PMEPA1: variants seen among roughly 807,000 people sequenced by gnomAD.
PMEPA1 encodes prostate transmembrane protein, androgen induced 1, also known as protein TMEPAI.
PMEPA1 carries 11 observed loss-of-function variants against 23.0 expected under a neutral mutation model. The ratio of observed to expected loss-of-function variants is 0.48; its 90% CI spans 0.30 to 0.79. The LOEUF is 0.79. Among genes scored for constraint, PMEPA1 ranks in the 30% least tolerant of loss-of-function variants. The probability of loss-of-function intolerance (pLI) is 0.06; values close to 1 mark genes in which losing one functional copy is unlikely to be tolerated. For missense variants in PMEPA1, 377 were observed against 390.9 expected (o/e 0.96, Z 0.30); for synonymous variants, 204 against 166.4 (o/e 1.23, Z -1.74).
chr20:57,662,705 C>T (rs568085559), intron 1 of PMEPA1, among the ~76,000 whole-genome samples: 1 of 152,180 alleles, frequency 6.6e-6, no homozygotes, highest in African/African-American at 2.4e-5. Flanking sequence ...GTAACACCCA[C>T]GCCCCCCCAC....
chr20:57,710,127 C>G, upstream of PMEPA1: 1 of 765,530 alleles, frequency 1.3e-6, no homozygotes, highest in Non-Finnish European at 1.7e-6. Flanking sequence ...AGCCGGGGGG[C>G]GGGGTGACGG....
In PMEPA1 at chr20:57,652,321, C is replaced by A; in HGVS notation, c.596G>T (p.Ser199Ile). ...GGGGCAGGGGCCGCCCAGCCTGGCACTATCCATCAGGTCACTGTCGAAGAT... is the reference window on the plus strand; with the variant it reads ...GGGGCAGGGGCCGCCCAGCCTGGCAATATCCATCAGGTCACTGTCGAAGAT... ...RTIFDSDLMD[S>I]ARLGGPCPPS... is the part of the protein sequence containing the mutation. Residue 199 changes from serine to isoleucine, a missense_variant, in exon 4 of 4, where the codon AGT becomes ATT. Coordinates refer to ENST00000341744, the MANE Select transcript of PMEPA1 (RefSeq NM_020182.5). This position sits in a 1 kb window ranked among gnomAD's most constrained non-coding sequence, Gnocchi z 6.1. The A allele has an allele frequency of 6.2e-7, 1 of 1,612,216 alleles. No homozygotes were observed. Among genetic ancestry groups the A allele is most frequent in the Middle Eastern group, 1.6e-4 (1 of 6,062 alleles).
Position 57,652,500 on chromosome 20 carries a change from G to A in PMEPA1, c.417C>T (p.Tyr139=). The A allele has an allele frequency of 6.3e-7, 1 of 1,597,084 alleles. No individual in the cohort carries two copies. The highest frequency in any genetic ancestry group is 1.7e-5 in the Admixed American group (1 of 58,682). The change falls in exon 4 of 4, where the codon TAC becomes TAT. Residue 139 remains tyrosine, a synonymous_variant. Coordinates refer to ENST00000341744, the MANE Select transcript of PMEPA1 (RefSeq NM_020182.5). This position sits in a 1 kb window ranked among gnomAD's most constrained non-coding sequence, Gnocchi z 6.1. The part of the protein sequence containing the change: ...RFHRFQPTYP[Y]LQHEIDLPPT... Reference sequence around the variant, plus strand: ...GTGGCAGGTCGATCTCGTGCTGCAGGTACGGATAGGTGGGCTGGAAGCGGT... The same window carrying A: ...GTGGCAGGTCGATCTCGTGCTGCAGATACGGATAGGTGGGCTGGAAGCGGT...
chr20:57,657,144 G>T (rs938066468), intron 2 of PMEPA1, among the ~76,000 whole-genome samples: 1 of 152,202 alleles, frequency 6.6e-6, no homozygotes, highest in Non-Finnish European at 1.5e-5. Flanking sequence ...AGCCCCTGCA[G>T]TCGGCCTCTG....
chr20:57,681,275 A>G (rs1321139060), intron 1 of PMEPA1, among the ~76,000 whole-genome samples: 1 of 152,132 alleles, frequency 6.6e-6, no homozygotes, highest in Non-Finnish European at 1.5e-5. Context: ...CCCCTCCATC[A>G]CTGCCACTGG....
At chr20:57,680,631 T>C (rs2071699901) in intron 1 of PMEPA1, among the ~76,000 whole-genome samples, 1 of 152,194 alleles carries the variant, frequency 6.6e-6, no homozygotes, top group Non-Finnish European at 1.5e-5. Flanking sequence ...GATTCCTAAT[T>C]AGGCCTCAAT....
At chr20:57,700,121 A>T in intron 1 of PMEPA1, 1 of 471,560 alleles carries the variant, frequency 2.1e-6, no homozygotes, top group South Asian at 1.5e-5. Context: ...GGAGACCTTA[A>T]GGACCAGCAG....
At position 57,652,421 on chromosome 20, in the gene PMEPA1, T is replaced by A; in HGVS notation, c.496A>T (p.Thr166Ser). 5.6e-6 allele frequency: 9 copies of A among 1,613,442 alleles called. No individual in the cohort carries two copies. The highest frequency in any genetic ancestry group is 7.6e-6 in the Non-Finnish European group (9 of 1,179,812). ...EEPPPYQGPC[T>S]LQLRDPEQQL... is the part of the protein sequence containing the mutation. Reference sequence around the variant, plus strand: ...TGCTCGGGGTCCCGAAGCTGGAGGGTGCAGGGGCCCTGGTAGGGTGGGGGC... The same window carrying A: ...TGCTCGGGGTCCCGAAGCTGGAGGGAGCAGGGGCCCTGGTAGGGTGGGGGC... The change falls in exon 4 of 4, where the codon ACC becomes TCC. Residue 166 changes from threonine (T) to serine (S), a missense_variant. Transcript: ENST00000341744. The surrounding 1 kb of genome is among the most constrained non-coding windows in gnomAD (Gnocchi z 6.1).
chr20:57,662,722 G>T (rs1413724791), intron 1 of PMEPA1, among the ~76,000 whole-genome samples: 1 of 151,822 alleles, frequency 6.6e-6, no homozygotes, highest in Non-Finnish European at 1.5e-5. Flanking sequence ...CCACCCCCGG[G>T]GCCTGCAATT....
rs1186905557 is a variant in PMEPA1 at position 57,696,866 on chromosome 20, T to G, written c.109+12608A>C. Among the ~76,000 whole-genome samples, 11 of 152,354 alleles carry G rather than the reference T, an allele frequency of 7.2e-5. No individual in the cohort carries two copies. The South Asian group carries it at 2.1e-3, about 29-fold the overall frequency. On this transcript the variant is annotated intron_variant, in intron 1 of 3. Transcript: ENST00000341744. The stretch of plus-strand genomic sequence containing the variant: ...TGGCAAGAGAAAATGGAGGCCTCTG[T>G]GCACATTTCCGTTTACACCCCTGAT...
At position 57,705,134 on chromosome 20, in the gene PMEPA1, C is replaced by A. The variant is rs1455153810; in HGVS notation, c.109+4340G>T. On this transcript the variant is annotated intron_variant, in intron 1 of 3. Coordinates refer to ENST00000341744, the MANE Select transcript of PMEPA1 (RefSeq NM_020182.5). ...GTGTGCCTGTGTATGACTGTGTGTG[C>A]GCGTGTGTGTGTCTGCACGTGTGCG... Among the ~76,000 whole-genome samples the A allele has an allele frequency of 2.6e-5, 4 of 152,096 alleles. No individual in the cohort carries two copies. The East Asian group carries it at 7.7e-4, about 29-fold the overall frequency.
chr20:57,688,442 C>T (rs1029894291), intron 1 of PMEPA1, among the ~76,000 whole-genome samples: 1 of 152,196 alleles, frequency 6.6e-6, no homozygotes, highest in Non-Finnish European at 1.5e-5. Context: ...TCCTCCATGC[C>T]CCAGGTTGTG....
At position 57,682,859 on chromosome 20, in the gene PMEPA1, T is replaced by G. The variant is rs1367525997; in HGVS notation, c.110-23162A>C. 6.6e-6 allele frequency among the ~76,000 whole-genome samples: 1 copy of G among 152,246 alleles called. No individual in the cohort carries two copies. Among genetic ancestry groups the G allele is most frequent in the Non-Finnish European group, 1.5e-5 (1 of 68,050 alleles). ...GGCTCGCCAGATTTGTTTCGAATTA[T>G]GAAAATAGATGTTGTCTCCCCACCA... On this transcript the variant is annotated intron_variant, in intron 1 of 3. Coordinates refer to ENST00000341744, the MANE Select transcript of PMEPA1 (RefSeq NM_020182.5). This position sits in a 1 kb window ranked among gnomAD's most constrained non-coding sequence, Gnocchi z 4.4.
At chr20:57,685,102 A>T (rs1277993718) in intron 1 of PMEPA1, among the ~76,000 whole-genome samples, 1 of 152,020 alleles carries the variant, frequency 6.6e-6, no homozygotes, top group Non-Finnish European at 1.5e-5. Flanking sequence ...CTGTAACCAG[A>T]GGGAAAAGCC....
In PMEPA1 at chr20:57,677,759, A is replaced by AAAAC. The variant is rs369966430; in HGVS notation, c.110-18066_110-18063dup. Among the ~76,000 whole-genome samples the AAAAC allele has an allele frequency of 2.0e-3, 308 of 152,338 alleles. 2 individuals are homozygous for AAAAC. The highest frequency in any genetic ancestry group is 6.5e-3 in the African/African-American group (272 of 41,566). On this transcript the variant is annotated intron_variant, in intron 1 of 3. Coordinates refer to ENST00000341744, the MANE Select transcript of PMEPA1 (RefSeq NM_020182.5). Reference sequence around the variant, plus strand: ...CACGGCAGCTTTACTTTTCATAGCAAAAACAAACAAACAAACAAAAAAAAC... The same window carrying AAAAC: ...CACGGCAGCTTTACTTTTCATAGCAAAAACAAACAAACAAACAAACAAAAAAAAC...
chr20:57,657,677 C>G (rs753739587), intron 2 of PMEPA1, among the ~76,000 whole-genome samples: 2 of 152,222 alleles, frequency 1.3e-5, no homozygotes, highest in African/African-American at 4.8e-5. Context: ...AACCTGGTGA[C>G]GCACTGAGGC....
At chr20:57,686,193 C>T (rs1479831078) in intron 1 of PMEPA1, among the ~76,000 whole-genome samples, 2 of 152,192 alleles carry the variant, frequency 1.3e-5, no homozygotes, top group African/African-American at 4.8e-5. Context: ...AGGGGTGGTT[C>T]TCCTAAATGG....
chr20:57,700,969 G>T (rs1363562570), intron 1 of PMEPA1, among the ~76,000 whole-genome samples: 1 of 151,816 alleles, frequency 6.6e-6, no homozygotes, highest in Admixed American at 6.6e-5. Context: ...GGTAGAGGTT[G>T]CAGTGAGCTG....
rs939270952 is a variant in PMEPA1 at position 57,656,037 on chromosome 20, C to T, written c.265-2951G>A. ...AGACCCCTCCAGAGTCTTAACACCACGAGGCCAGAACGTAGCTGCCCATTC... is the reference window on the plus strand; with the variant it reads ...AGACCCCTCCAGAGTCTTAACACCATGAGGCCAGAACGTAGCTGCCCATTC... On this transcript the variant is annotated intron_variant, in intron 2 of 3. Coordinates refer to ENST00000341744, the MANE Select transcript of PMEPA1 (RefSeq NM_020182.5). The surrounding 1 kb of genome is among the most constrained non-coding windows in gnomAD (Gnocchi z 4.7). 4.6e-5 allele frequency among the ~76,000 whole-genome samples: 7 copies of T among 152,084 alleles called. No homozygotes were observed. Among genetic ancestry groups the T allele is most frequent in the African/African-American group, 9.7e-5 (4 of 41,446 alleles).
Sources: allele counts gnomAD v4.1 joint callset (sites outside exome capture counted in the v4.1 genomes callset), GRCh38; gene constraint gnomAD v4.1.1; non-coding constraint Gnocchi (gnomAD v3.1); transcripts MANE v1.5; gene names NCBI Gene and HGNC (gene_info 2026-07-23, HGNC 2026-07-21).